The following GPC6 variants were observed in gnomAD, a reference collection of about 807,000 sequenced individuals.
The protein encoded by GPC6 is glypican 6.
A neutral mutation model predicts 55.2 loss-of-function variants in GPC6; 14 were observed. The observed-to-expected ratio is 0.25, with a 90% confidence interval of 0.17 to 0.40. The LOEUF is 0.40. Among genes scored for constraint, GPC6 ranks in the 10% least tolerant of loss-of-function variants. The pLI is 1.00. For synonymous variants in GPC6, 278 were observed against 259.6 expected, an observed-to-expected ratio of 1.07 and a Z score of -0.68; for missense variants, 641 against 708.5, an observed-to-expected ratio of 0.90 and a Z score of 1.08.
intron 4 of GPC6, among the ~76,000 whole-genome samples, chr13:94,276,027 CTA>C (rs1008778672): frequency 6.6e-6 from 1 of 152,180 alleles, no homozygotes; most frequent in Non-Finnish European, 1.5e-5. Context: ...TTTTGCAAAA[CTA>C]TCAACATTTT....
chr13:94,273,714 GA>G (rs1054377141), intron 4 of GPC6, among the ~76,000 whole-genome samples: 2 of 152,192 alleles, frequency 1.3e-5, no homozygotes, highest in African/African-American at 4.8e-5. Flanking sequence ...TACATTTAAT[GA>G]GTTGCTTTGG....
chr13:93,454,889 GAGGCTCAGGC>G (rs1878381174), intron 1 of GPC6, among the ~76,000 whole-genome samples: 1 of 152,376 alleles, frequency 6.6e-6, no homozygotes, highest in Admixed American at 6.5e-5. Context: ...GAGGGGGTGG[GAGGCTCAGGC>G]ATGGCGGGCT....
chr13:93,972,485 G>A (rs1481649184), intron 3 of GPC6, among the ~76,000 whole-genome samples: 2 of 152,032 alleles, frequency 1.3e-5, no homozygotes, highest in Non-Finnish European at 2.9e-5. Context: ...TGCATCCTAA[G>A]GTGCTTTCAG....
intron 3 of GPC6, among the ~76,000 whole-genome samples, chr13:94,018,586 G>A (rs577741548): frequency 2.6e-5 from 4 of 152,190 alleles, no homozygotes; most frequent in African/African-American, 9.6e-5. Flanking sequence ...CCACTGCACC[G>A]GGCTGTATAA....
At chr13:93,413,221 G>A (rs1566343704) in intron 1 of GPC6, among the ~76,000 whole-genome samples, 1 of 152,084 alleles carries the variant, frequency 6.6e-6, no homozygotes, top group African/African-American at 2.4e-5. Flanking sequence ...TTACACTTAT[G>A]GTGTCTCTAG....
At chr13:93,623,287 C>T (rs949137058) in intron 2 of GPC6, among the ~76,000 whole-genome samples, 6 of 151,980 alleles carry the variant, frequency 3.9e-5, no homozygotes, top group African/African-American at 7.3e-5. Flanking sequence ...TGGATAAATG[C>T]CCAGTAGTGA....
At chr13:93,760,553 G>A (rs1301226835) in intron 2 of GPC6, among the ~76,000 whole-genome samples, 1 of 152,108 alleles carries the variant, frequency 6.6e-6, no homozygotes, top group Non-Finnish European at 1.5e-5. Flanking sequence ...GTGGACTAAT[G>A]GGCAGGAAAT....
intron 6 of GPC6, among the ~76,000 whole-genome samples, chr13:94,378,093 G>A (rs1879980068): frequency 6.6e-6 from 1 of 152,164 alleles, no homozygotes; most frequent in Non-Finnish European, 1.5e-5. Flanking sequence ...TATACCTAAT[G>A]CTAGATGACG....
intron 3 of GPC6, among the ~76,000 whole-genome samples, chr13:93,836,317 G>A (rs1304121339): frequency 6.6e-6 from 1 of 152,196 alleles, no homozygotes; most frequent in Non-Finnish European, 1.5e-5. Context: ...CAATTTACAA[G>A]AGAAATTGTA....
chr13:93,740,823 A>G (rs1392058897), intron 2 of GPC6, among the ~76,000 whole-genome samples: 2 of 152,184 alleles, frequency 1.3e-5, no homozygotes, highest in Non-Finnish European at 2.9e-5. Flanking sequence ...CCTAATTACA[A>G]TCTGGGACAT....
chr13:93,905,978 T>A (rs1163463826), intron 3 of GPC6, among the ~76,000 whole-genome samples: 1 of 152,208 alleles, frequency 6.6e-6, no homozygotes, highest in Non-Finnish European at 1.5e-5. Context: ...GAATAAATAC[T>A]GACTTTGAGT....
At chr13:93,431,984 G>T (rs1338653469) in intron 1 of GPC6, among the ~76,000 whole-genome samples, 1 of 152,142 alleles carries the variant, frequency 6.6e-6, no homozygotes, top group Non-Finnish European at 1.5e-5. Flanking sequence ...GGAGTCCAGA[G>T]TTCTTTCATC....
intron 4 of GPC6, among the ~76,000 whole-genome samples, chr13:94,233,954 C>T (rs1044243644): frequency 1.8e-4 from 27 of 152,098 alleles, no homozygotes; most frequent in Non-Finnish European, 1.9e-4. Flanking sequence ...GGGGGGACTA[C>T]TGTAACAGTA....
At chr13:93,744,405 G>A (rs1244756436) in intron 2 of GPC6, among the ~76,000 whole-genome samples, 2 of 151,820 alleles carry the variant, frequency 1.3e-5, no homozygotes, top group Non-Finnish European at 2.9e-5. Context: ...ACTTCTTAGT[G>A]CCCACTGACC....
intron 2 of GPC6, among the ~76,000 whole-genome samples, chr13:93,685,023 G>T (rs1881997392): frequency 6.6e-6 from 1 of 152,112 alleles, no homozygotes. Flanking sequence ...AAAAATCACT[G>T]CTTTGAAATT....
chr13:94,322,127 G>C (rs1350458770), intron 6 of GPC6, among the ~76,000 whole-genome samples: 1 of 152,100 alleles, frequency 6.6e-6, no homozygotes, highest in Non-Finnish European at 1.5e-5. Context: ...TGAATCATGG[G>C]GGCAGTTTCC....
rs185819009 is a variant in GPC6, at chr13:93,362,551, A to G, written c.160+134935A>G. Among the ~76,000 whole-genome samples, 34 of 152,312 alleles carry G rather than the reference A, an allele frequency of 2.2e-4. No individual in the cohort carries two copies. In the East Asian group the frequency reaches 5.2e-3, roughly 23 times the overall value. Reference sequence around the variant, plus strand: ...GTCTTAGTGACTTTTACTAAAAAACATAACTGTGAGATGGAGTTCTGCTCG... The same window carrying G: ...GTCTTAGTGACTTTTACTAAAAAACGTAACTGTGAGATGGAGTTCTGCTCG... On this transcript the variant is annotated intron_variant, in intron 1 of 8. Coordinates refer to ENST00000377047, the MANE Select transcript of GPC6 (RefSeq NM_005708.5).
intron 2 of GPC6, among the ~76,000 whole-genome samples, chr13:93,693,806 G>A (rs1882349201): frequency 6.6e-6 from 1 of 152,078 alleles, no homozygotes; most frequent in Non-Finnish European, 1.5e-5. Flanking sequence ...TATTTTGAAA[G>A]AACATTTTTC....
At chr13:94,366,502 G>T (rs560526611) in intron 6 of GPC6, among the ~76,000 whole-genome samples, 3 of 152,160 alleles carry the variant, frequency 2.0e-5, no homozygotes, top group South Asian at 2.1e-4. Context: ...CAGAGGTCAG[G>T]TTTAAAATAA....
Sources: gnomAD v4.1 joint callset for allele counts (sites outside exome capture counted in the v4.1 genomes callset) on GRCh38, gnomAD v4.1.1 for gene constraint, MANE v1.5 for transcripts, NCBI Gene and HGNC (gene_info 2026-07-23, HGNC 2026-07-21) for gene names.